MTCL1: variants seen among roughly 807,000 people sequenced by gnomAD.
MTCL1 encodes microtubule crosslinking factor 1, also known as microtubule cross-linking factor 1.
Under a neutral mutation model 141.4 loss-of-function variants are expected in MTCL1, and 79 were observed. That is an observed-to-expected ratio of 0.56 (90% confidence interval 0.47 to 0.67). MTCL1 has a LOEUF of 0.67. Among genes scored for constraint, MTCL1 ranks in the 30% least tolerant of loss-of-function variants. The probability of loss-of-function intolerance (pLI) is 0.00; values close to 1 mark genes in which losing one functional copy is unlikely to be tolerated. For synonymous variants in MTCL1, 914 were observed against 875.8 expected (o/e 1.04, Z -0.77); for missense variants, 2,177 against 2,113.9 (o/e 1.03, Z -0.59).
rs148624028 is a variant in MTCL1, at chr18:8,781,813, G to A, written c.418-1717G>A. 8.2e-3 allele frequency among the ~76,000 whole-genome samples: 1,255 copies of A among 152,268 alleles called. 26 individuals carry two copies. Among genetic ancestry groups the A allele is most frequent in the Non-Finnish European group, 8.0e-3 (547 of 68,014 alleles). ...GTAGGAGGGGCAAAGCTAGGACTCCGGGCAGCATGTTTGACCCCAAGTCCA... is the reference window on the plus strand; with the variant it reads ...GTAGGAGGGGCAAAGCTAGGACTCCAGGCAGCATGTTTGACCCCAAGTCCA... On this transcript the variant is annotated intron_variant, in intron 5 of 16. Transcript: ENST00000359865.
chr18:8,830,149 G>A lies in MTCL1; in HGVS notation c.*18+1185G>A. The A allele has an allele frequency of 2.0e-6, 2 of 985,502 alleles. No homozygotes were observed. The highest frequency in any genetic ancestry group is 2.4e-6 in the Non-Finnish European group (2 of 830,004). 61.0% of individuals were successfully genotyped at this position (985,502 alleles called of 1,614,324 possible). A position where few individuals can be genotyped will look rare whatever the true frequency, so the allele number is the denominator to read the frequency against. On this transcript the variant is annotated intron_variant, in intron 16 of 16. Coordinates refer to ENST00000359865, the Ensembl canonical transcript of MTCL1. This position sits in a 1 kb window ranked among gnomAD's most constrained non-coding sequence, Gnocchi z 6.4. ...AAACCGTGTGTCCCAGTCAAGCACT[G>A]TGGGCTGCAGTGAGATGAGGACACA...
At chr18:8,813,833 AG>A (rs1034385595) in intron 12 of MTCL1, among the ~76,000 whole-genome samples, 23 of 152,102 alleles carry the variant, frequency 1.5e-4, no homozygotes, top group African/African-American at 5.6e-4. Flanking sequence ...TTTGGGGAGG[AG>A]GGGGGTAGTC....
At chr18:8,802,031 G>T (rs2076140118) in intron 10 of MTCL1, 1 of 152,200 alleles carries the variant, frequency 6.6e-6, no homozygotes, top group Admixed American at 6.5e-5. Flanking sequence ...AACTTTTCTG[G>T]ATGTAACAAT....
intron 4 of MTCL1, among the ~76,000 whole-genome samples, chr18:8,725,802 T>C (rs2096205951): frequency 7.4e-6 from 1 of 135,156 alleles, no homozygotes; most frequent in South Asian, 2.4e-4. Flanking sequence ...TTTTTTTTTT[T>C]TTTTTGAGAT....
At chr18:8,785,895 T>C in intron 6 of MTCL1, 41 bp from the exon 6 acceptor site, 1 of 1,529,828 alleles carries the variant, frequency 6.5e-7, no homozygotes, top group Non-Finnish European at 8.8e-7. Context: ...TTTAAAATTT[T>C]AAAGAACAAC....
chr18:8,733,859 A>T (rs1180212461), intron 4 of MTCL1, among the ~76,000 whole-genome samples: 2 of 152,142 alleles, frequency 1.3e-5, no homozygotes, highest in Non-Finnish European at 2.9e-5. Context: ...AGTAACACTC[A>T]GAGTTTCTTG....
intron 8 of MTCL1, among the ~76,000 whole-genome samples, chr18:8,793,437 A>G (rs1368437227): frequency 6.6e-6 from 1 of 152,242 alleles, no homozygotes; most frequent in Non-Finnish European, 1.5e-5. Flanking sequence ...ACTGGACAGA[A>G]AAGTGTGTCT....
chr18:8,824,630 G>T, intron 14 of MTCL1, 69 bp from the exon 14 acceptor site: 1 of 1,366,214 alleles, frequency 7.3e-7, no homozygotes, highest in Non-Finnish European at 1.0e-6. Context: ...TGCAGGGCAG[G>T]ACATGGGTGT....
rs368659793 is a variant in MTCL1 at position 8,822,277 on chromosome 18, GGGTTGGTT to G, written c.3188+801_3188+808del. ...CTCAGGCTCTAGAGCCAAACTGCCT[GGGTTGGTT>G]GGTTGGTTGGTTGGTTGGTTGATTT... On this transcript the variant is annotated intron_variant, in intron 14 of 16. Transcript: ENST00000359865. The surrounding 1 kb of genome is among the most constrained non-coding windows in gnomAD (Gnocchi z 4.6). 1.2e-4 allele frequency among the ~76,000 whole-genome samples: 19 copies of G among 152,072 alleles called. No individual in the cohort carries two copies. Among genetic ancestry groups the G allele is most frequent in the South Asian group, 2.1e-4 (1 of 4,806 alleles).
At chr18:8,826,098 G>A (rs554181776) in exon 15 of MTCL1, 29 of 1,611,722 alleles carry the variant, frequency 1.8e-5, no homozygotes, top group Middle Eastern at 1.7e-4. Context: ...CACTGAGAAC[G>A]TGGCCCGGAT....
intron 5 of MTCL1, among the ~76,000 whole-genome samples, chr18:8,781,426 C>T (rs1196168129): frequency 6.6e-6 from 1 of 152,020 alleles, no homozygotes; most frequent in African/African-American, 2.4e-5. Flanking sequence ...TCTACCTAAC[C>T]CAAACCCAAC....
chr18:8,796,590 C>G (rs987432100), intron 9 of MTCL1, 128 bp downstream of exon 8: 6 of 960,598 alleles, frequency 6.2e-6, no homozygotes, highest in Admixed American at 2.7e-5. Context: ...TGGTTAACAT[C>G]TAATATTGCA....
chr18:8,706,370 G>T, exon 1 of MTCL1: 2 of 1,230,312 alleles, frequency 1.6e-6, no homozygotes, highest in South Asian at 4.1e-5. Flanking sequence ...GCCGAATCCG[G>T]CACGGGCTCC....
intron 9 of MTCL1, 123 bp downstream of exon 8, chr18:8,796,585 AAC>A (rs771483151): frequency 6.9e-6 from 7 of 1,015,036 alleles, no homozygotes; most frequent in Non-Finnish European, 1.0e-5. Context: ...ATATTTGGTT[AAC>A]ATCTAATATT....
exon 6 of MTCL1, chr18:8,784,056 G>C: frequency 1.9e-6 from 3 of 1,613,444 alleles, no homozygotes; most frequent in Non-Finnish European, 2.5e-6. Context: ...GAGCCTCCCC[G>C]GGAGCCGGGC....
intron 5 of MTCL1, among the ~76,000 whole-genome samples, chr18:8,781,110 G>A (rs572682733): frequency 1.3e-5 from 2 of 148,328 alleles, no homozygotes; most frequent in South Asian, 4.3e-4. Flanking sequence ...GGAGGCAGCG[G>A]TTACAGTGAG....
intron 6 of MTCL1, 141 bp from the exon 6 acceptor site, chr18:8,785,795 C>T (rs1266348545): frequency 2.2e-5 from 22 of 983,782 alleles, no homozygotes; most frequent in East Asian, 1.1e-4. Context: ...GTTCTTTGGT[C>T]GTTTTCTCAG....
chr18:8,712,634 G>C (rs2148770824), upstream of MTCL1, among the ~76,000 whole-genome samples: 1 of 152,326 alleles, frequency 6.6e-6, no homozygotes, highest in African/African-American at 2.4e-5. Context: ...GAGTGGCTAT[G>C]ATCATTTTCA....
At position 8,831,596 on chromosome 18, in the gene MTCL1, CG is replaced by C. The variant is rs1568123411; in HGVS notation, c.*19-9del. The C allele has an allele frequency of 6.5e-7, 1 of 1,549,716 alleles. No individual in the cohort carries two copies. The highest frequency in any genetic ancestry group is 8.7e-7 in the Non-Finnish European group (1 of 1,146,302). ...TCTGAGTAACCCTGTCTCCCTTTCT[CG>C]GCTCTGAAGGAACTACCTTGTTCTG... is the stretch of plus-strand genomic sequence containing the variant. On this transcript the variant is annotated splice_polypyrimidine_tract_variant and intron_variant, in intron 16 of 16. Coordinates refer to ENST00000359865, the Ensembl canonical transcript of MTCL1.
Sources: allele counts gnomAD v4.1 joint callset (sites outside exome capture counted in the v4.1 genomes callset), GRCh38; gene constraint gnomAD v4.1.1; non-coding constraint Gnocchi (gnomAD v3.1); transcripts MANE v1.5; gene names NCBI Gene and HGNC (gene_info 2026-07-23, HGNC 2026-07-21).